The following MICAL3 variants were observed in gnomAD, a reference collection of about 807,000 sequenced individuals.
The protein encoded by MICAL3 is [F-actin]-monooxygenase MICAL3.
In MICAL3, 62 loss-of-function variants were observed where a neutral mutation model predicts 207.4. The observed-to-expected ratio is 0.30, with a 90% CI of 0.24 to 0.37. The LOEUF (loss-of-function observed/expected upper bound fraction) is 0.37, where lower values mean the gene tolerates loss of function less well. Among genes scored for constraint, MICAL3 ranks in the 10% least tolerant of loss-of-function variants. The probability of loss-of-function intolerance (pLI) is 1.00; values close to 1 mark genes in which losing one functional copy is unlikely to be tolerated. For synonymous variants in MICAL3, 1,077 were observed against 1,069.3 expected, an observed-to-expected ratio of 1.01 and a Z score of -0.14; for missense variants, 2,368 against 2,635.6, an observed-to-expected ratio of 0.90 and a Z score of 2.22.
chr22:17,884,667 T>A (rs1234307955), intron 16 of MICAL3, among the ~76,000 whole-genome samples: 5 of 152,178 alleles, frequency 3.3e-5, no homozygotes, highest in Admixed American at 1.3e-4. Context: ...AAAACTAATA[T>A]TCCCATCCAA....
chr22:17,818,470 C>T lies in MICAL3; in HGVS notation c.4191G>A (p.Glu1397=), dbSNP rs764428773. ...ACCGGGGGGTTGGCAGGGACAACGG[C>T]TCGCCTTCCGGCTTTGGCAGGCCCA... The part of the protein sequence containing the change: ...KRLGLPKPEG[E]PLSLPTPRSP... The change falls in exon 26 of 32, where the codon GAG becomes GAA. Residue 1397 remains glutamate (E), a synonymous_variant. Coordinates refer to ENST00000441493, the MANE Select transcript of MICAL3 (RefSeq NM_015241.3). 1 of 1,612,832 alleles carries T rather than the reference C, an allele frequency of 6.2e-7. No individual in the cohort carries two copies. The highest frequency in any genetic ancestry group is 1.7e-5 in the Admixed American group (1 of 60,022).
chr22:17,842,140 A>G (rs1445107915), intron 19 of MICAL3, 123 bp from the exon 20 acceptor site: 2 of 934,800 alleles, frequency 2.1e-6, no homozygotes, highest in African/African-American at 3.3e-5. Flanking sequence ...AGGTCAGAGC[A>G]TTTGCAGAGT....
intron 1 of MICAL3, among the ~76,000 whole-genome samples, chr22:17,977,180 A>G (rs936368760): frequency 3.3e-5 from 5 of 152,230 alleles, no homozygotes; most frequent in Admixed American, 3.3e-4. Context: ...AATCGAGAGT[A>G]AATTTGACAT....
At chr22:18,002,463 T>C (rs1231028182) in intron 1 of MICAL3, among the ~76,000 whole-genome samples, 1 of 151,590 alleles carries the variant, frequency 6.6e-6, no homozygotes, top group African/African-American at 2.4e-5. Context: ...TGAAACCCCG[T>C]CTCTACTAAA....
At chr22:18,006,353 T>C (rs1041220679) in intron 1 of MICAL3, 4 of 152,122 alleles carry the variant, frequency 2.6e-5, no homozygotes, top group African/African-American at 4.8e-5. Flanking sequence ...TCTGCCCCCC[T>C]AGTAGGAGAA....
chr22:17,931,229 T>C (rs1259066596), intron 1 of MICAL3, among the ~76,000 whole-genome samples: 1 of 152,200 alleles, frequency 6.6e-6, no homozygotes, highest in Non-Finnish European at 1.5e-5. Flanking sequence ...TGTTCACATA[T>C]ATAAAAATTC....
intron 9 of MICAL3, 39 bp downstream of exon 9, chr22:17,896,207 G>T: frequency 8.1e-7 from 1 of 1,235,806 alleles, no homozygotes; most frequent in Non-Finnish European, 1.2e-6. Flanking sequence ...CTTCTTCCCA[G>T]TTTTCTCATG....
At chr22:17,944,736 T>C (rs1283697743) in intron 1 of MICAL3, among the ~76,000 whole-genome samples, 1 of 152,154 alleles carries the variant, frequency 6.6e-6, no homozygotes, top group East Asian at 1.9e-4. Context: ...AACCGCATTT[T>C]TAACTGAAAA....
At chr22:18,000,333 T>C (rs1472035497) in intron 1 of MICAL3, among the ~76,000 whole-genome samples, 1 of 151,952 alleles carries the variant, frequency 6.6e-6, no homozygotes, top group Non-Finnish European at 1.5e-5. Context: ...ACAATTAACA[T>C]CTGCATTAAA....
chr22:17,950,337 G>GTTTTTTTTTTT, intron 1 of MICAL3, among the ~76,000 whole-genome samples: 224 of 89,164 alleles, frequency 2.5e-3, no homozygotes, highest in East Asian at 3.7e-3. Context: ...TTTTGTTTTT[G>GTTTTTTTTTTT]TTTTTTTTTT....
intron 17 of MICAL3, among the ~76,000 whole-genome samples, chr22:17,867,755 T>C (rs1171409545): frequency 6.6e-6 from 1 of 152,256 alleles, no homozygotes; most frequent in African/African-American, 2.4e-5. Flanking sequence ...GCTCTCTGGA[T>C]GGAAGCTATA....
In MICAL3 at chr22:17,919,076, G is replaced by GTTTTTTTTTTTTTTTTTTTT. The variant is rs35096617; in HGVS notation, c.-74-12191_-74-12190insAAAAAAAAAAAAAAAAAAAA. 1.7e-4 allele frequency among the ~76,000 whole-genome samples: 23 copies of GTTTTTTTTTTTTTTTTTTTT among 136,516 alleles called. 1 individual carries two copies. Among genetic ancestry groups the GTTTTTTTTTTTTTTTTTTTT allele is most frequent in the African/African-American group, 6.5e-4 (22 of 33,850 alleles). 89.6% of individuals were successfully genotyped at this position (136,516 alleles called of 152,430 possible). On this transcript the variant is annotated intron_variant, in intron 1 of 31. Transcript: ENST00000441493. ...CTCCAAATGTTTTTGGTTTTTGTGG[G>GTTTTTTTTTTTTTTTTTTTT]TTTTTTTTTTTTTTGAGACAGGCTC...
At chr22:17,888,995 G>C (rs758012349) in intron 13 of MICAL3, 39 bp downstream of exon 13, 3 of 1,461,498 alleles carry the variant, frequency 2.1e-6, no homozygotes, top group Middle Eastern at 1.9e-4. Context: ...CCACAGCACA[G>C]CAGCAGGGGG....
intron 1 of MICAL3, among the ~76,000 whole-genome samples, chr22:17,909,386 G>A (rs953580685): frequency 1.3e-5 from 2 of 152,206 alleles, no homozygotes; most frequent in Non-Finnish European, 2.9e-5. Context: ...TTAGCCAGGT[G>A]TGGTGGCACA....
intron 21 of MICAL3, among the ~76,000 whole-genome samples, chr22:17,831,555 G>A (rs1042221121): frequency 1.3e-5 from 2 of 152,204 alleles, no homozygotes; most frequent in Non-Finnish European, 2.9e-5. Context: ...AAGAGAAAAC[G>A]AGGTGGAGAC....
rs1921031070 is a variant in MICAL3, at chr22:17,816,691, T to C, written c.5444A>G (p.Glu1815Gly). Reference sequence around the variant, plus strand: ...GAAGCCCCCTGCCTGACTACCCACCTCTCGCCGGGACTTCTGTGAGGACTT... The same window carrying C: ...GAAGCCCCCTGCCTGACTACCCACCCCTCGCCGGGACTTCTGTGAGGACTT... ...LEKSSQKSRR[E>G]PRTYTEEELN... Residue 1815 changes from glutamate to glycine, a missense_variant and splice_region_variant, in exon 27 of 32, where the codon GAG (glutamate) becomes GGG (glycine). Transcript: ENST00000441493. The C allele has an allele frequency of 1.3e-6, 2 of 1,551,884 alleles. No homozygotes were observed. Among genetic ancestry groups the C allele is most frequent in the Non-Finnish European group, 1.7e-6 (2 of 1,147,244 alleles).
At chr22:17,923,429 T>C (rs530973401) in intron 1 of MICAL3, among the ~76,000 whole-genome samples, 9 of 152,348 alleles carry the variant, frequency 5.9e-5, no homozygotes, top group African/African-American at 1.9e-4. Flanking sequence ...AGAAGACTTA[T>C]TAATCTTTAC....
intron 26 of MICAL3, 133 bp downstream of exon 26, chr22:17,817,178 T>C: frequency 8.7e-7 from 1 of 1,148,468 alleles, no homozygotes. Flanking sequence ...TTCAGTCCCT[T>C]CTCCAGGTCA....
chr22:17,978,709 G>A (rs1316476897), intron 1 of MICAL3, among the ~76,000 whole-genome samples: 1 of 151,732 alleles, frequency 6.6e-6, no homozygotes, highest in Non-Finnish European at 1.5e-5. Context: ...AGTAGAGACG[G>A]GGTTTCACCA....
Sources: allele counts gnomAD v4.1 joint callset (sites outside exome capture counted in the v4.1 genomes callset), GRCh38; gene constraint gnomAD v4.1.1; transcripts MANE v1.5; gene names NCBI Gene and HGNC (gene_info 2026-07-23, HGNC 2026-07-21).